The following TRRAP variants were observed in gnomAD, a reference collection of about 807,000 sequenced individuals.
TRRAP encodes transformation/transcription domain-associated protein.
In TRRAP, 41 loss-of-function variants were observed where a neutral mutation model predicts 438.8. The observed-to-expected ratio is 0.09, with a 90% CI of 0.07 to 0.12. TRRAP has a LOEUF of 0.12. Among genes scored for constraint, TRRAP ranks in the 10% least tolerant of loss-of-function variants. The pLI, the probability that TRRAP is intolerant of heterozygous loss-of-function variation, is 1.00. For missense variants in TRRAP, 3,122 were observed against 5,055.1 expected, an observed-to-expected ratio of 0.62 and a Z score of 11.60; for synonymous variants, 1,994 against 1,962.9, an observed-to-expected ratio of 1.02 and a Z score of -0.42.
intron 14 of TRRAP, 77 bp from the exon 15 acceptor site, chr7:98,909,979 T>C (rs1796991401): frequency 6.7e-7 from 1 of 1,481,594 alleles, no homozygotes; most frequent in Admixed American, 2.5e-5. Context: ...CATCTTATTT[T>C]ACTGTGATCT....
chr7:98,985,135 A>G, intron 62 of TRRAP, 91 bp downstream of exon 62: 4 of 922,852 alleles, frequency 4.3e-6, no homozygotes, highest in Non-Finnish European at 6.7e-6. Flanking sequence ...AGCTCAAGCT[A>G]GAAATGGGTA....
intron 49 of TRRAP, 37 bp downstream of exon 49, chr7:98,965,932 A>G (rs779385446): frequency 8.1e-6 from 13 of 1,606,408 alleles, no homozygotes; most frequent in Admixed American, 1.7e-5. Context: ...TCTCCCTTTC[A>G]ATAAAAGAAA....
At chr7:98,891,859 A>G (rs782161431) in intron 4 of TRRAP, among the ~76,000 whole-genome samples, 1 of 152,202 alleles carries the variant, frequency 6.6e-6, no homozygotes, top group South Asian at 2.1e-4. Flanking sequence ...TCTTAAAAAT[A>G]ACTTTTAAAA....
rs1554405648 is a variant in TRRAP, at chr7:98,895,824, T to G, written c.507+4T>G. ...CAAGGAGCTTCCAAAAGTAGTGGTA[T>G]GTTTTTACTTTGGTTTTAATTAGTT... On this transcript the variant is annotated splice_donor_region_variant and intron_variant, in intron 7 of 72. Transcript: ENST00000456197. The G allele has an allele frequency of 6.2e-7, 1 of 1,600,304 alleles. No homozygotes were observed. The highest frequency in any genetic ancestry group is 1.3e-5 in the African/African-American group (1 of 74,702).
chr7:98,948,766 T>C lies in TRRAP; in HGVS notation c.4788+81T>C, dbSNP rs1791197959. On this transcript the variant is annotated intron_variant, in intron 35 of 72. Transcript: ENST00000456197. The surrounding 1 kb of genome is among the most constrained non-coding windows in gnomAD (Gnocchi z 4.9). ...GTGCTCTGAAATGTTCAGTTCATAT[T>C]TCACTATTCAGTGTCCTGGCTGCTT... The C allele has an allele frequency of 5.6e-6, 9 of 1,599,278 alleles. No individual in the cohort carries two copies. Among genetic ancestry groups the C allele is most frequent in the Non-Finnish European group, 7.7e-6 (9 of 1,172,604 alleles).
intron 12 of TRRAP, among the ~76,000 whole-genome samples, chr7:98,904,584 G>GT (rs1450575881): frequency 2.6e-5 from 4 of 152,082 alleles, no homozygotes; most frequent in African/African-American, 7.2e-5. Flanking sequence ...ATAAAGCTTG[G>GT]TTTTAATCAG....
At chr7:98,995,780 C>T (rs1361327508) in intron 67 of TRRAP, among the ~76,000 whole-genome samples, 1 of 150,408 alleles carries the variant, frequency 6.6e-6, no homozygotes, top group Non-Finnish European at 1.5e-5. Context: ...TCACCTGCAT[C>T]CCATCACTCC....
At chr7:98,953,466 CA>C in intron 40 of TRRAP, 33 bp downstream of exon 40, 1 of 1,597,720 alleles carries the variant, frequency 6.3e-7, no homozygotes, top group Non-Finnish European at 8.5e-7. Context: ...CCGCCGACAT[CA>C]GCGTGAATCT....
At chr7:98,942,923 T>A in intron 30 of TRRAP, 26 bp from the exon 31 acceptor site, 1 of 1,613,902 alleles carries the variant, frequency 6.2e-7, no homozygotes, top group Non-Finnish European at 8.5e-7. Flanking sequence ...TGTGAAGTTG[T>A]GTCTCAGGAT....
At chr7:98,965,985 A>G in intron 49 of TRRAP, 90 bp downstream of exon 49, 5 of 1,471,356 alleles carry the variant, frequency 3.4e-6, no homozygotes, top group Non-Finnish European at 4.6e-6. Context: ...CTTGAAGCAA[A>G]ACATTTTTTT....
At chr7:98,881,787 G>T (rs1173080121) in intron 2 of TRRAP, 188 bp from the exon 3 acceptor site, 1 of 572,726 alleles carries the variant, frequency 1.7e-6, no homozygotes, top group South Asian at 2.2e-5. Flanking sequence ...GTGCATGCAC[G>T]TGTATGTCTG....
chr7:98,936,426 T>G (rs1333050047), intron 28 of TRRAP, among the ~76,000 whole-genome samples: 1 of 152,234 alleles, frequency 6.6e-6, no homozygotes, highest in Non-Finnish European at 1.5e-5. Flanking sequence ...GGAACTCTCC[T>G]GTGCCTCCTT....
chr7:98,951,095 T>TGTGTG (rs1791318671), intron 39 of TRRAP, 91 bp downstream of exon 39: 5 of 195,256 alleles, frequency 2.6e-5, no homozygotes, highest in Admixed American at 2.6e-4. Flanking sequence ...GTGTGTGTGT[T>TGTGTG]AAGGGGGTTC....
chr7:98,911,530 T>C (rs375645118), intron 17 of TRRAP, among the ~76,000 whole-genome samples: 3 of 152,178 alleles, frequency 2.0e-5, no homozygotes, highest in Non-Finnish European at 4.4e-5. Context: ...CCCAGCACTT[T>C]AGGAGGCCGG....
rs557252280 is a variant in TRRAP at position 99,005,120 on chromosome 7, C to T, written c.10536-11C>T. 76 of 1,612,596 alleles carry T rather than the reference C, an allele frequency of 4.7e-5. No homozygotes were observed. The highest frequency in any genetic ancestry group is 2.9e-4 in the African/African-American group (22 of 75,060). ...TGCAGGGCATGTCCTCATGGCTTCT[C>T]GCTCTGGCAGGTTCATGCCCCGGGT... On this transcript the variant is annotated splice_polypyrimidine_tract_variant and intron_variant, in intron 68 of 72. Transcript: ENST00000456197. The surrounding 1 kb of genome is among the most constrained non-coding windows in gnomAD (Gnocchi z 5.1).
At chr7:98,897,008 G>A (rs1796241427) in intron 7 of TRRAP, among the ~76,000 whole-genome samples, 1 of 152,142 alleles carries the variant, frequency 6.6e-6, no homozygotes, top group Non-Finnish European at 1.5e-5. Context: ...GCCCAGGTGG[G>A]TGGATCACCT....
At chr7:98,995,027 C>G (rs1173002809) in intron 67 of TRRAP, among the ~76,000 whole-genome samples, 179 bp downstream of exon 67, 1 of 152,196 alleles carries the variant, frequency 6.6e-6, no homozygotes, top group Non-Finnish European at 1.5e-5. Flanking sequence ...GTTTTTCTCC[C>G]AGGGAGGGGT....
chr7:98,903,033 G>A (rs6465729), intron 11 of TRRAP, among the ~76,000 whole-genome samples: 134,832 of 151,182 alleles, frequency 0.89, 60,186 homozygotes, highest in South Asian at 0.94. Context: ...AGTCTTAACG[G>A]TTTTTTTTTT....
intron 30 of TRRAP, 39 bp from the exon 31 acceptor site, chr7:98,942,910 T>C (rs953901108): frequency 5.0e-6 from 8 of 1,610,042 alleles, no homozygotes; most frequent in Non-Finnish European, 6.8e-6. Flanking sequence ...GGAATGCACC[T>C]ACTGTGAAGT....
Sources: allele counts gnomAD v4.1 joint callset (sites outside exome capture counted in the v4.1 genomes callset), GRCh38; gene constraint gnomAD v4.1.1; non-coding constraint Gnocchi (gnomAD v3.1); transcripts MANE v1.5; gene names NCBI Gene and HGNC (gene_info 2026-07-23, HGNC 2026-07-21).